The following LRRC7 variants were observed in gnomAD, a reference collection of about 807,000 sequenced individuals.
LRRC7 encodes leucine-rich repeat-containing protein 7.
A neutral mutation model predicts 175.7 loss-of-function variants in LRRC7; 23 were observed. That is an observed-to-expected ratio of 0.13 (90% CI 0.09 to 0.19). The LOEUF (loss-of-function observed/expected upper bound fraction) is 0.19. Ranked by LOEUF, LRRC7 falls within the 10% of genes least tolerant of loss-of-function variation. The probability of loss-of-function intolerance (pLI) is 1.00; values close to 1 mark genes in which losing one functional copy is unlikely to be tolerated. For synonymous variants in LRRC7, 685 were observed against 680.9 expected (o/e 1.01, Z -0.09); for missense variants, 1,354 against 1,904.7 (o/e 0.71, Z 5.38).
chr1:69,987,732 C>G (rs1020737039), intron 10 of LRRC7, among the ~76,000 whole-genome samples: 3 of 152,164 alleles, frequency 2.0e-5, no homozygotes, highest in Non-Finnish European at 4.4e-5. Context: ...ATTATTACTT[C>G]TACTTAGCCA....
intron 4 of LRRC7, among the ~76,000 whole-genome samples, chr1:69,795,315 G>T (rs571602502): frequency 1.3e-5 from 2 of 151,976 alleles, no homozygotes; most frequent in African/African-American, 4.8e-5. Context: ...GGGAGGCGGA[G>T]GTTGCAGTGA....
At chr1:69,676,374 C>T (rs1437811959) in intron 1 of LRRC7, among the ~76,000 whole-genome samples, 1 of 151,866 alleles carries the variant, frequency 6.6e-6, no homozygotes, top group Non-Finnish European at 1.5e-5. Context: ...CAGTGATATC[C>T]CTGGTTGAGG....
At chr1:69,768,344 TGC>T (rs1671848705) in intron 3 of LRRC7, among the ~76,000 whole-genome samples, 1 of 152,150 alleles carries the variant, frequency 6.6e-6, no homozygotes, top group African/African-American at 2.4e-5. Context: ...CTGCCAGGCT[TGC>T]TCTGCCCCTG....
intron 17 of LRRC7, among the ~76,000 whole-genome samples, chr1:70,025,885 A>AG (rs1302895067): frequency 2.6e-5 from 4 of 151,960 alleles, no homozygotes; most frequent in Non-Finnish European, 4.4e-5. Context: ...TGTAAATAAT[A>AG]GGGTCCCTCA....
intron 4 of LRRC7, among the ~76,000 whole-genome samples, chr1:69,821,460 C>T (rs1213636670): frequency 1.3e-5 from 2 of 151,954 alleles, no homozygotes; most frequent in Admixed American, 6.6e-5. Context: ...CTTCATTTAA[C>T]TTCTTGTTTT....
intron 1 of LRRC7, among the ~76,000 whole-genome samples, chr1:69,608,848 CTCTCTCTCTCTCTCTCTCTATATATATA>C (rs1168195519): frequency 0.026 from 1,357 of 52,628 alleles, 25 homozygotes; most frequent in African/African-American, 0.12. Context: ...CTCTCTCTCT[CTCTCTCTCTCTCTCTCTCTATATATATA>C]TATATATATA....
intron 7 of LRRC7, among the ~76,000 whole-genome samples, chr1:69,849,676 A>G (rs766028922): frequency 6.6e-6 from 1 of 152,046 alleles, no homozygotes; most frequent in Non-Finnish European, 1.5e-5. Context: ...ATACAATAAC[A>G]TCTAAACCCC....
chr1:69,854,639 A>G (rs1237316090), intron 7 of LRRC7, among the ~76,000 whole-genome samples: 1 of 152,214 alleles, frequency 6.6e-6, no homozygotes, highest in Non-Finnish European at 1.5e-5. Context: ...ACTCTCATAT[A>G]GAATGAAGTT....
At position 69,718,134 on chromosome 1, in the gene LRRC7, GAA is replaced by G. The variant is rs761413409; in HGVS notation, c.100+39658_100+39659del. Among the ~76,000 whole-genome samples the G allele has an allele frequency of 2.5e-3, 122 of 48,930 alleles. 11 individuals carry two copies. Among genetic ancestry groups the G allele is most frequent in the Middle Eastern group, 7.2e-3 (1 of 138 alleles). 32.1% of individuals were successfully genotyped at this position (48,930 alleles called of 152,430 possible). On this transcript the variant is annotated intron_variant, in intron 2 of 26. Coordinates refer to ENST00000651989, the MANE Select transcript of LRRC7 (RefSeq NM_001370785.2). ...AAAAGAAAGAAAGAAAGAAAAGAAA[GAA>G]AGAGAGAGAAAGAAAGAAAGAAAGA...
At chr1:69,831,996 A>C (rs751886555) in intron 5 of LRRC7, among the ~76,000 whole-genome samples, 5 of 152,210 alleles carry the variant, frequency 3.3e-5, no homozygotes, top group Admixed American at 1.3e-4. Flanking sequence ...AGGACTTATT[A>C]CTAAGAATGT....
intron 3 of LRRC7, among the ~76,000 whole-genome samples, chr1:69,780,690 A>G (rs1673387712): frequency 6.6e-6 from 1 of 152,236 alleles, no homozygotes; most frequent in South Asian, 2.1e-4. Flanking sequence ...AAATTTTAAA[A>G]TATTTTATTA....
At chr1:70,117,311 A>G (rs1368728842) in intron 26 of LRRC7, among the ~76,000 whole-genome samples, 1 of 152,220 alleles carries the variant, frequency 6.6e-6, no homozygotes, top group Admixed American at 6.5e-5. Flanking sequence ...CATCATCTGG[A>G]CTGTTTCTGC....
intron 2 of LRRC7, among the ~76,000 whole-genome samples, chr1:69,687,536 AAAGAAAAAAGAAAAAG>A (rs1448982218): frequency 6.9e-6 from 1 of 145,810 alleles, no homozygotes; most frequent in African/African-American, 2.6e-5. Flanking sequence ...AAAAAAAAAA[AAAGAAAAAAGAAAAAG>A]AAAAGAAAAA....
At chr1:69,575,771 A>G (rs1166082783) in intron 1 of LRRC7, among the ~76,000 whole-genome samples, 1 of 152,180 alleles carries the variant, frequency 6.6e-6, no homozygotes, top group Non-Finnish European at 1.5e-5. Flanking sequence ...TAATTTTATT[A>G]GGGGTCAACC....
In LRRC7 at chr1:69,756,084, G is replaced by T. The variant is rs1393419155; in HGVS notation, c.101-4107G>T. The stretch of plus-strand genomic sequence containing the variant: ...AAATGAAAATGATATGGCACCTTGA[G>T]ACACAAATAGGATACTATGAAAAAA... On this transcript the variant is annotated intron_variant, in intron 2 of 26. Coordinates refer to ENST00000651989, the MANE Select transcript of LRRC7 (RefSeq NM_001370785.2). Among the ~76,000 whole-genome samples the T allele has an allele frequency of 2.0e-5, 3 of 151,828 alleles. No homozygotes were observed. In the Admixed American group the frequency reaches 2.0e-4, roughly 10 times the overall value.
chr1:69,725,092 G>A (rs1048214388), intron 2 of LRRC7, among the ~76,000 whole-genome samples: 13 of 152,038 alleles, frequency 8.6e-5, no homozygotes, highest in African/African-American at 3.1e-4. Context: ...ATATATATAT[G>A]TATATTACAG....
chr1:69,885,360 G>C (rs1481877607), intron 7 of LRRC7, among the ~76,000 whole-genome samples: 2 of 146,062 alleles, frequency 1.4e-5, no homozygotes, highest in African/African-American at 2.6e-5. Flanking sequence ...TGTATGTTTC[G>C]AGGAATTTAT....
At chr1:69,723,461 A>G (rs1008053365) in intron 2 of LRRC7, among the ~76,000 whole-genome samples, 2 of 152,178 alleles carry the variant, frequency 1.3e-5, no homozygotes, top group African/African-American at 4.8e-5. Context: ...ACAGTAAATA[A>G]TTTGCCAGAA....
chr1:69,853,479 A>G (rs534315733), intron 7 of LRRC7, among the ~76,000 whole-genome samples: 6 of 151,844 alleles, frequency 4.0e-5, no homozygotes, highest in Non-Finnish European at 8.8e-5. Flanking sequence ...GGGTTTCACC[A>G]TGTTGGCCAG....
Sources: gnomAD v4.1 joint callset for allele counts (sites outside exome capture counted in the v4.1 genomes callset) on GRCh38, gnomAD v4.1.1 for gene constraint, MANE v1.5 for transcripts, NCBI Gene and HGNC (gene_info 2026-07-23, HGNC 2026-07-21) for gene names.